The following PUM1 variants were observed in gnomAD, a reference collection of about 807,000 sequenced individuals.
PUM1 encodes the protein pumilio RNA binding family member 1, also known as pumilio homolog 1.
Under a neutral mutation model 131.8 loss-of-function variants are expected in PUM1, and 13 were observed. That is an observed-to-expected ratio of 0.10 (90% CI 0.06 to 0.16). The LOEUF is 0.16. Among genes scored for constraint, PUM1 ranks in the 10% least tolerant of loss-of-function variants. The pLI, the probability that PUM1 is intolerant of heterozygous loss-of-function variation, is 1.00. For missense variants in PUM1, 961 were observed against 1,512.4 expected, an observed-to-expected ratio of 0.64 and a Z score of 6.05; for synonymous variants, 509 against 556.5, an observed-to-expected ratio of 0.91 and a Z score of 1.20.
At chr1:30,968,255 C>T (rs1458041531) in intron 11 of PUM1, 99 bp downstream of exon 11, 4 of 1,537,726 alleles carry the variant, frequency 2.6e-6, no homozygotes, top group Non-Finnish European at 9.0e-7. Flanking sequence ...CATGACAAGC[C>T]TAAGCAAGGT....
At chr1:31,033,371 A>ATTTT (rs1643500036) in intron 2 of PUM1, among the ~76,000 whole-genome samples, 2 of 103,918 alleles carry the variant, frequency 1.9e-5, no homozygotes, top group Non-Finnish European at 2.0e-5. Flanking sequence ...CATCCAGCTA[A>ATTTT]TTTTCTTTTT....
intron 15 of PUM1, among the ~76,000 whole-genome samples, chr1:30,953,000 A>T (rs1640012016): frequency 6.6e-6 from 1 of 150,770 alleles, no homozygotes. Context: ...AAACAAAACA[A>T]AACAAAAAAA....
intron 1 of PUM1, among the ~76,000 whole-genome samples, chr1:31,060,673 G>C (rs1284780762): frequency 2.0e-5 from 3 of 151,928 alleles, no homozygotes; most frequent in Non-Finnish European, 4.4e-5. Context: ...ATCACTTGAG[G>C]TCAGGAGTTC....
At chr1:30,974,477 A>C (rs1011152405) in intron 10 of PUM1, among the ~76,000 whole-genome samples, 174 bp downstream of exon 10, 1 of 152,212 alleles carries the variant, frequency 6.6e-6, no homozygotes, top group Non-Finnish European at 1.5e-5. Flanking sequence ...TCTAATATAT[A>C]AAAGACATTC....
chr1:30,996,848 T>G (rs923021759), intron 5 of PUM1, among the ~76,000 whole-genome samples: 1 of 152,212 alleles, frequency 6.6e-6, no homozygotes, highest in African/African-American at 2.4e-5. Context: ...GAGGCAAAAC[T>G]GACTAAAGCT....
intron 3 of PUM1, among the ~76,000 whole-genome samples, chr1:31,020,089 A>G (rs546162240): frequency 1.3e-5 from 2 of 152,104 alleles, no homozygotes; most frequent in Admixed American, 6.5e-5. Context: ...TGGAGTCCTC[A>G]GGGTCTACTG....
chr1:31,028,988 G>C (rs756174761), intron 2 of PUM1, 124 bp from the exon 3 acceptor site: 82 of 749,274 alleles, frequency 1.1e-4, no homozygotes, highest in Admixed American at 3.6e-4. Context: ...CAATAGCAAT[G>C]ATCAAGTGAC....
intron 3 of PUM1, among the ~76,000 whole-genome samples, chr1:31,021,002 C>T (rs191690674): frequency 2.0e-5 from 3 of 152,292 alleles, no homozygotes; most frequent in East Asian, 1.9e-4. Flanking sequence ...TTTTTCTAAA[C>T]ATCATTATGT....
Position 30,932,968 on chromosome 1 carries a change from C to T in PUM1, c.*243G>A, listed in dbSNP as rs760163603. On this transcript the variant is annotated 3_prime_UTR_variant, in exon 22 of 22. Transcript: ENST00000426105. ...GTTACCTATGTACAAGTATCCTATA[C>T]ACCAGTAAAACAGCAGGGCAATTAG... 2.5e-6 allele frequency: 1 copy of T among 394,982 alleles called. No individual in the cohort carries two copies. The highest frequency in any genetic ancestry group is 3.1e-5 in the South Asian group (1 of 32,106). The allele number at this position is 394,982 out of a possible 1,614,324, so 24.5% of individuals were successfully genotyped here.
At chr1:31,000,502 T>C (rs576656648) in intron 5 of PUM1, among the ~76,000 whole-genome samples, 174 of 152,320 alleles carry the variant, frequency 1.1e-3, no homozygotes, top group Middle Eastern at 3.4e-3. Flanking sequence ...CTATATATTG[T>C]TGAGGTCAGA....
At chr1:31,053,045 C>A (rs1458969166) in intron 2 of PUM1, among the ~76,000 whole-genome samples, 1 of 150,544 alleles carries the variant, frequency 6.6e-6, no homozygotes, top group East Asian at 2.0e-4. Flanking sequence ...CAGAGTCTCC[C>A]TCTGTCACCC....
At position 30,999,014 on chromosome 1, in the gene PUM1, TTTTTGA is replaced by T. The variant is rs1055235721; in HGVS notation, c.721-3800_721-3795del. 3.3e-5 allele frequency among the ~76,000 whole-genome samples: 5 copies of T among 151,514 alleles called. No homozygotes were observed. The South Asian group carries it at 6.3e-4, about 19-fold the overall frequency. ...GTTTTTGTTTTTGTTTTTGTTTTTGTTTTTGAGACAGGGTCTCGCTCTTTCACCCTG... is the reference window on the plus strand; with the variant it reads ...GTTTTTGTTTTTGTTTTTGTTTTTGTGACAGGGTCTCGCTCTTTCACCCTG... On this transcript the variant is annotated intron_variant, in intron 5 of 21. Transcript: ENST00000426105.
chr1:30,995,074 A>C lies in PUM1; in HGVS notation c.867T>G (p.Asp289Glu). The change falls in exon 6 of 22, where the codon GAT becomes GAG. Residue 289 changes from aspartate to glutamate, a missense_variant. Around this residue, in one of 4 missense-constraint regions of PUM1, gnomAD observed 654 missense variants for 923.9 expected, o/e 0.71. Coordinates refer to ENST00000426105, the MANE Select transcript of PUM1 (RefSeq NM_001020658.2). ...TNGLPVQNGI[D>E]ADVKDFSRTP... The stretch of plus-strand genomic sequence containing the variant: ...CAAACCTAAAATCTTTGACGTCTGC[A>C]TCAATCCCATTCTGCACTGGTAAAC... 6.2e-7 allele frequency: 1 copy of C among 1,614,144 alleles called. No homozygotes were observed. The highest frequency in any genetic ancestry group is 8.5e-7 in the Non-Finnish European group (1 of 1,179,972).
At chr1:31,011,540 A>G (rs1359408743) in intron 3 of PUM1, among the ~76,000 whole-genome samples, 1 of 152,240 alleles carries the variant, frequency 6.6e-6, no homozygotes, top group Non-Finnish European at 1.5e-5. Flanking sequence ...AAGGAGTTAG[A>G]AACTACTGAA....
chr1:30,966,338 C>T lies in PUM1; in HGVS notation c.1790-60G>A. On this transcript the variant is annotated intron_variant, in intron 12 of 21. Transcript: ENST00000426105. ...AGGGACTGGCCACATTTCCAAACTA[C>T]ATTTTTATCTTTTTTCAAAAAATCT... 2 of 1,483,008 alleles carry T rather than the reference C, an allele frequency of 1.3e-6. 1 individual carries two copies. Among genetic ancestry groups the T allele is most frequent in the South Asian group, 2.8e-5 (2 of 72,644 alleles). 91.9% of individuals were successfully genotyped at this position (1,483,008 alleles called of 1,614,324 possible). A position where few individuals can be genotyped will look rare whatever the true frequency, so the allele number is the denominator to read the frequency against.
chr1:31,012,636 A>C (rs572395202), intron 3 of PUM1, among the ~76,000 whole-genome samples: 1 of 152,190 alleles, frequency 6.6e-6, no homozygotes, highest in African/African-American at 2.4e-5. Context: ...CTGGTTTACA[A>C]GCAATGTCAG....
At chr1:30,947,772 C>T (rs1431440773) in intron 17 of PUM1, among the ~76,000 whole-genome samples, 1 of 151,792 alleles carries the variant, frequency 6.6e-6, no homozygotes, top group African/African-American at 2.4e-5. Context: ...CTCAAAGCAA[C>T]TAAGATATCA....
At chr1:30,974,896 T>C (rs1641073011) in intron 9 of PUM1, 94 bp from the exon 10 acceptor site, 1 of 898,378 alleles carries the variant, frequency 1.1e-6, no homozygotes, top group Non-Finnish European at 1.7e-6. Context: ...GATCCTACTG[T>C]AAAATATTAA....
chr1:31,026,502 T>C (rs576299038), intron 3 of PUM1, among the ~76,000 whole-genome samples: 2 of 152,340 alleles, frequency 1.3e-5, no homozygotes, highest in South Asian at 4.1e-4. Flanking sequence ...TGTTTATATG[T>C]ATATTCATTG....
Sources: gnomAD v4.1 joint callset for allele counts (sites outside exome capture counted in the v4.1 genomes callset) on GRCh38, gnomAD v4.1.1 for gene constraint, gnomAD v4.1.1 regional missense constraint, MANE v1.5 for transcripts, NCBI Gene and HGNC (gene_info 2026-07-23, HGNC 2026-07-21) for gene names.